TCF7L2: variants seen among roughly 807,000 people sequenced by gnomAD.
The protein encoded by TCF7L2 is transcription factor 7 like 2.
TCF7L2 carries 23 observed loss-of-function variants against 77.9 expected under a neutral mutation model. The observed-to-expected ratio is 0.30, with a 90% CI of 0.21 to 0.42. The LOEUF is 0.42. TCF7L2 is among the 10% of genes least tolerant of loss of function. The pLI, the probability that TCF7L2 is intolerant of heterozygous loss-of-function variation, is 1.00. For synonymous variants in TCF7L2, 413 were observed against 340.2 expected, an observed-to-expected ratio of 1.21 and a Z score of -2.36; for missense variants, 654 against 793.1, an observed-to-expected ratio of 0.82 and a Z score of 2.11.
intron 5 of TCF7L2, chr10:113,130,137 T>C (rs1242688910): frequency 3.2e-6 from 2 of 629,318 alleles, no homozygotes; most frequent in Non-Finnish European, 4.2e-6. Flanking sequence ...AATGGTCAAC[T>C]CAAGCTATGC....
chr10:113,132,604 G>A (rs957597705), intron 5 of TCF7L2, among the ~76,000 whole-genome samples: 4 of 152,084 alleles, frequency 2.6e-5, no homozygotes, highest in Non-Finnish European at 5.9e-5. Context: ...TGAGCTTTTG[G>A]ATTTCTTCAT....
At chr10:113,005,644 T>C (rs1476536800) in intron 4 of TCF7L2, among the ~76,000 whole-genome samples, 2 of 152,176 alleles carry the variant, frequency 1.3e-5, no homozygotes, top group Non-Finnish European at 2.9e-5. Context: ...TGAGATTGTG[T>C]GGCCCCTCCT....
intron 5 of TCF7L2, among the ~76,000 whole-genome samples, chr10:113,049,007 AG>A (rs2053932086): frequency 6.6e-6 from 1 of 152,124 alleles, no homozygotes; most frequent in South Asian, 2.1e-4. Context: ...TTGTCCCTTG[AG>A]GTGTACTGGA....
intron 4 of TCF7L2, among the ~76,000 whole-genome samples, chr10:112,993,753 CT>C (rs1201293590): frequency 6.6e-6 from 1 of 152,104 alleles, no homozygotes; most frequent in South Asian, 2.1e-4. Flanking sequence ...CAGGTCTATT[CT>C]TTCTTTTTTT....
chr10:113,120,836 C>T (rs887916464), intron 5 of TCF7L2, among the ~76,000 whole-genome samples: 5 of 152,170 alleles, frequency 3.3e-5, no homozygotes, highest in Non-Finnish European at 1.5e-5. Context: ...AGGCCAAGAG[C>T]AGTTACACAT....
At chr10:113,075,887 G>A (rs1218574483) in intron 5 of TCF7L2, among the ~76,000 whole-genome samples, 2 of 152,102 alleles carry the variant, frequency 1.3e-5, no homozygotes, top group East Asian at 3.9e-4. Context: ...TGTAATCCTA[G>A]CACTCTGGGA....
rs371471596 is a variant in TCF7L2, at chr10:113,095,002, A to G, written c.553-46182A>G. ...GGGTACGTGGTCCCAGCTACTCGGG[A>G]GGCTGAGACAGGAGAATCGCTTGAA... On this transcript the variant is annotated intron_variant, in intron 5 of 13. Coordinates refer to ENST00000627217, the MANE Select transcript of TCF7L2 (RefSeq NM_001146274.2). Among the ~76,000 whole-genome samples, 59 of 152,294 alleles carry G rather than the reference A, an allele frequency of 3.9e-4. No individual in the cohort carries two copies. The South Asian group carries it at 0.012, about 31-fold the overall frequency.
intron 4 of TCF7L2, among the ~76,000 whole-genome samples, chr10:112,997,007 A>G (rs994985539): frequency 1.3e-5 from 2 of 152,196 alleles, no homozygotes; most frequent in Non-Finnish European, 2.9e-5. Flanking sequence ...GCTGAATTCT[A>G]AGTGGTTCCA....
At chr10:113,142,955 G>A (rs1162571229) in intron 6 of TCF7L2, among the ~76,000 whole-genome samples, 1 of 152,144 alleles carries the variant, frequency 6.6e-6, no homozygotes, top group Admixed American at 6.5e-5. Flanking sequence ...TGTCACCCAG[G>A]GAGACTTAAT....
At chr10:112,956,184 C>A (rs2033540354) in intron 3 of TCF7L2, among the ~76,000 whole-genome samples, 1 of 151,900 alleles carries the variant, frequency 6.6e-6, no homozygotes, top group South Asian at 2.1e-4. Context: ...ACTAAAACTC[C>A]GAGGACCTTT....
At chr10:113,135,890 A>G (rs1163009286) in intron 5 of TCF7L2, among the ~76,000 whole-genome samples, 1 of 151,986 alleles carries the variant, frequency 6.6e-6, no homozygotes, top group East Asian at 1.9e-4. Context: ...GAGTTTGAGG[A>G]CAGATCCCAC....
chr10:112,955,683 CT>C (rs781736420), intron 3 of TCF7L2, among the ~76,000 whole-genome samples: 19 of 152,080 alleles, frequency 1.2e-4, no homozygotes, highest in Non-Finnish European at 2.6e-4. Flanking sequence ...TTTAATTTTA[CT>C]GATAGGGATT....
Position 112,951,200 on chromosome 10 carries a change from TG to T in TCF7L2, c.190-4del. The T allele has an allele frequency of 6.4e-7, 1 of 1,570,658 alleles. No homozygotes were observed. Among genetic ancestry groups the T allele is most frequent in the Admixed American group, 1.8e-5 (1 of 54,578 alleles). ...CTCGCCCTCCCCACCTCCACCCCTC[TG>T]GGAAGGCGGAAAGACGGCCTCCGCC... On this transcript the variant is annotated splice_region_variant and splice_polypyrimidine_tract_variant and intron_variant, in intron 1 of 13. Transcript: ENST00000627217.
intron 1 of TCF7L2, 72 bp downstream of exon 1, chr10:112,951,017 G>A: frequency 6.5e-7 from 1 of 1,530,874 alleles, no homozygotes; most frequent in Non-Finnish European, 8.8e-7. Context: ...GCTGAAAGGG[G>A]AGAAATCGGG....
At chr10:113,165,414 G>GT (rs1480469830) in intron 13 of TCF7L2, 141 bp from the exon 15 acceptor site, 1 of 924,014 alleles carries the variant, frequency 1.1e-6, no homozygotes, top group Admixed American at 2.3e-5. Context: ...GGGCGCCACT[G>GT]TAATTGTCCT....
chr10:113,134,594 G>A lies in TCF7L2; in HGVS notation c.553-6590G>A, dbSNP rs115361670. On this transcript the variant is annotated intron_variant, in intron 5 of 13. Transcript: ENST00000627217. Reference sequence around the variant, plus strand: ...CAGCCCTTCCTTCATTGTGTTCCCAGCCTGTCCTCTTCCCCAACTTACCAC... The same window carrying A: ...CAGCCCTTCCTTCATTGTGTTCCCAACCTGTCCTCTTCCCCAACTTACCAC... Among the ~76,000 whole-genome samples the A allele has an allele frequency of 1.3e-3, 198 of 152,314 alleles. 2 individuals are homozygous for A. In the South Asian group the frequency reaches 0.027, roughly 21 times the overall value.
At chr10:113,083,879 C>T (rs755126558) in intron 5 of TCF7L2, among the ~76,000 whole-genome samples, 1 of 152,138 alleles carries the variant, frequency 6.6e-6, no homozygotes, top group Non-Finnish European at 1.5e-5. Flanking sequence ...ATGCATAGAA[C>T]CTTGAACTCT....
At chr10:113,051,650 C>T in intron 5 of TCF7L2, among the ~76,000 whole-genome samples, 1 of 152,156 alleles carries the variant, frequency 6.6e-6, no homozygotes, top group Non-Finnish European at 1.5e-5. Flanking sequence ...ACACAATCAT[C>T]CCCCACAAAT....
chr10:113,155,603 G>A (rs2071704833), intron 11 of TCF7L2, among the ~76,000 whole-genome samples: 1 of 152,238 alleles, frequency 6.6e-6, no homozygotes, highest in Non-Finnish European at 1.5e-5. Flanking sequence ...GGAATTTTCA[G>A]ATGCCTTCAC....
Sources: allele counts gnomAD v4.1 joint callset (sites outside exome capture counted in the v4.1 genomes callset), GRCh38; gene constraint gnomAD v4.1.1; transcripts MANE v1.5; gene names NCBI Gene and HGNC (gene_info 2026-07-23, HGNC 2026-07-21).